Variants in FRMPD4 observed in about 807,000 individuals in gnomAD.
The protein encoded by FRMPD4 is FERM and PDZ domain containing 4.
A neutral mutation model predicts 94.1 loss-of-function variants in FRMPD4; 22 were observed. That is an observed-to-expected ratio of 0.23 (90% confidence interval 0.17 to 0.33). The LOEUF is 0.33. FRMPD4 is among the 10% of genes least tolerant of loss of function. The pLI is 1.00. For missense variants in FRMPD4, 1,111 were observed against 1,339.9 expected (o/e 0.83, Z 2.67); for synonymous variants, 631 against 548.6 (o/e 1.15, Z -2.10).
chrX:11,919,648 C>T (rs977379212), intron 3 of FRMPD4, among the ~76,000 whole-genome samples: 1 of 111,224 alleles, frequency 9.0e-6, no homozygotes, highest in African/African-American at 3.3e-5. Flanking sequence ...GGGAAAAAGG[C>T]TCCCCAAATC....
chrX:12,184,242 G>T (rs755478715), intron 1 of FRMPD4, among the ~76,000 whole-genome samples: 1 of 110,706 alleles, frequency 9.0e-6, no homozygotes, highest in Non-Finnish European at 1.9e-5. Flanking sequence ...AATCCTGAAC[G>T]CCAAACAAAT....
At chrX:12,388,731 C>T in intron 1 of FRMPD4, among the ~76,000 whole-genome samples, 1 of 104,591 alleles carries the variant, frequency 9.6e-6, no homozygotes. Context: ...GCCTGCACTC[C>T]CATGTTCACT....
At chrX:12,026,798 A>C (rs1265998072) in intron 3 of FRMPD4, among the ~76,000 whole-genome samples, 2 of 112,640 alleles carry the variant, frequency 1.8e-5, no homozygotes, top group East Asian at 2.8e-4. Context: ...GGAAAAAAAA[A>C]CATTAATTCG....
chrX:11,892,309 T>C (rs767546464), intron 3 of FRMPD4, among the ~76,000 whole-genome samples: 67 of 111,750 alleles, frequency 6.0e-4, no homozygotes, highest in African/African-American at 2.1e-3. Flanking sequence ...CAGAAAAGAG[T>C]AAACTGGCTT....
At chrX:11,848,610 C>G (rs776532325) in intron 1 of FRMPD4, among the ~76,000 whole-genome samples, 1 of 109,327 alleles carries the variant, frequency 9.1e-6, no homozygotes, top group South Asian at 4.0e-4. Context: ...ACTTCAGTCT[C>G]TGCTGTGCAT....
At chrX:12,681,572 G>A (rs1421332628) in intron 5 of FRMPD4, among the ~76,000 whole-genome samples, 1 of 110,845 alleles carries the variant, frequency 9.0e-6, no homozygotes, top group East Asian at 2.8e-4. Flanking sequence ...AGCTCTGGGA[G>A]ACAAATCATC....
intron 1 of FRMPD4, among the ~76,000 whole-genome samples, chrX:12,229,087 A>C (rs2056955506): frequency 8.9e-6 from 1 of 112,538 alleles, no homozygotes; most frequent in Non-Finnish European, 1.9e-5. Context: ...AAAAACAAGA[A>C]GCGTGATAAG....
At chrX:12,681,320 G>A (rs1413338296) in intron 5 of FRMPD4, among the ~76,000 whole-genome samples, 1 of 112,240 alleles carries the variant, frequency 8.9e-6, no homozygotes, top group Non-Finnish European at 1.9e-5. Flanking sequence ...AATATCAAAA[G>A]CAAATGCGCT....
At chrX:11,848,395 G>A (rs1430487794) in intron 1 of FRMPD4, among the ~76,000 whole-genome samples, 4 of 111,516 alleles carry the variant, frequency 3.6e-5, no homozygotes, top group Non-Finnish European at 7.5e-5. Context: ...GCAAAGATTG[G>A]TCAGAAAGTT....
At chrX:12,479,551 G>A (rs184226641) in intron 1 of FRMPD4, among the ~76,000 whole-genome samples, 1 of 104,993 alleles carries the variant, frequency 9.5e-6, no homozygotes, top group African/African-American at 3.4e-5. Context: ...ACTCAGGCTG[G>A]AGTGCAGTGG....
intron 1 of FRMPD4, among the ~76,000 whole-genome samples, chrX:12,346,896 T>C (rs771038847): frequency 8.9e-6 from 1 of 112,588 alleles, no homozygotes; most frequent in South Asian, 3.7e-4. Context: ...TATGAAATTA[T>C]GTGGAATCTA....
At chrX:12,298,274 T>C (rs918024073) in intron 1 of FRMPD4, among the ~76,000 whole-genome samples, 1 of 112,258 alleles carries the variant, frequency 8.9e-6, no homozygotes, top group Non-Finnish European at 1.9e-5. Context: ...TACACACAGA[T>C]CCCCTCAATG....
chrX:12,334,451 C>G (rs1400216358), intron 1 of FRMPD4, among the ~76,000 whole-genome samples: 2 of 111,080 alleles, frequency 1.8e-5, no homozygotes, highest in Non-Finnish European at 3.8e-5. Context: ...AGTGCAATGA[C>G]AAAACTTACG....
At position 12,194,144 on chromosome X, in the gene FRMPD4, A is replaced by G. The variant is rs928723440; in HGVS notation, c.41+55132A>G. 1.0e-4 allele frequency among the ~76,000 whole-genome samples: 11 copies of G among 110,146 alleles called. 1 individual carries two copies. In the East Asian group the frequency reaches 2.0e-3, roughly 20 times the overall value. On this transcript the variant is annotated intron_variant, in intron 1 of 16. Transcript: ENST00000675598. ...GCTGCTGTTTTTGCCCAATTCTTAT[A>G]TTTTTCCTACGCAAGTTCAGGAGGG...
intron 3 of FRMPD4, among the ~76,000 whole-genome samples, chrX:11,927,981 G>A (rs1345267253): frequency 8.9e-6 from 1 of 112,189 alleles, no homozygotes; most frequent in East Asian, 2.8e-4. Context: ...TACAGAATGG[G>A]AGAAGATTTT....
intron 4 of FRMPD4, among the ~76,000 whole-genome samples, chrX:12,640,356 G>C (rs769846862): frequency 5.1e-4 from 53 of 104,707 alleles, no homozygotes; most frequent in Non-Finnish European, 8.8e-4. Context: ...GGAGGAAGTA[G>C]TCGAAAGGCT....
chrX:11,847,176 A>G (rs1423113786), intron 1 of FRMPD4, among the ~76,000 whole-genome samples: 1 of 111,710 alleles, frequency 9.0e-6, no homozygotes, highest in East Asian at 2.8e-4. Context: ...AACTCAAACA[A>G]ATTTACAAGC....
intron 1 of FRMPD4, among the ~76,000 whole-genome samples, chrX:12,232,344 G>A (rs190401563): frequency 9.0e-6 from 1 of 111,722 alleles, no homozygotes; most frequent in African/African-American, 3.2e-5. Flanking sequence ...CATAGCAGAA[G>A]GGGAAGCGAA....
chrX:12,005,219 AAC>A (rs1484383764), intron 3 of FRMPD4, among the ~76,000 whole-genome samples: 1 of 108,338 alleles, frequency 9.2e-6, no homozygotes, highest in Admixed American at 1.0e-4. Flanking sequence ...GAGCTGGTAA[AAC>A]ACAGACTGCT....
Sources: gnomAD v4.1 joint callset for allele counts (sites outside exome capture counted in the v4.1 genomes callset) on GRCh38, gnomAD v4.1.1 for gene constraint, MANE v1.5 for transcripts, NCBI Gene and HGNC (gene_info 2026-07-23, HGNC 2026-07-21) for gene names.